Variants in THOP1 observed in about 807,000 individuals in gnomAD.
The protein encoded by THOP1 is thimet oligopeptidase 1.
In THOP1, 49 loss-of-function variants were observed where a neutral mutation model predicts 71.8. The observed-to-expected ratio is 0.68, with a 90% CI of 0.54 to 0.87. The LOEUF is 0.87. THOP1 is among the 40% of genes least tolerant of loss of function. The probability of loss-of-function intolerance (pLI) is 0.00; values close to 1 mark genes in which losing one functional copy is unlikely to be tolerated. For synonymous variants in THOP1, 426 were observed against 421.5 expected (o/e 1.01, Z -0.13); for missense variants, 843 against 975.6 (o/e 0.86, Z 1.81).
chr19:2,787,273 A>T (rs1915768609), intron 1 of THOP1, among the ~76,000 whole-genome samples: 1 of 151,952 alleles, frequency 6.6e-6, no homozygotes, highest in African/African-American at 2.4e-5. Context: ...GCCCAGCCAC[A>T]CTCCCCCAGC....
At position 2,790,589 on chromosome 19, in the gene THOP1, A is replaced by G. The variant is rs370840170; in HGVS notation, c.185A>G (p.Glu62Gly). ...GTQEFEDVSY[E>G]STLKALADVE... Reference sequence around the variant, plus strand: ...CAGGAGTTTGAGGACGTGTCCTACGAGAGCACGCTCAAGGCGCTGGCCGAT... The same window carrying G: ...CAGGAGTTTGAGGACGTGTCCTACGGGAGCACGCTCAAGGCGCTGGCCGAT... Residue 62 changes from glutamate (E) to glycine (G), a missense_variant, in exon 2 of 13, where the codon GAG (glutamate) becomes GGG (glycine). By Grantham distance (98) the Glu-to-Gly change is moderately conservative (BLOSUM62 -2). Coordinates refer to ENST00000307741, the MANE Select transcript of THOP1 (RefSeq NM_003249.5). 20 of 1,600,794 alleles carry G rather than the reference A, an allele frequency of 1.2e-5. No homozygotes were observed. The highest frequency in any genetic ancestry group is 1.4e-5 in the Non-Finnish European group (17 of 1,173,884).
chr19:2,789,431 CAGAG>C (rs1370456461), intron 1 of THOP1, among the ~76,000 whole-genome samples: 7 of 152,246 alleles, frequency 4.6e-5, no homozygotes, highest in Non-Finnish European at 8.8e-5. Flanking sequence ...ACCCGTTTCT[CAGAG>C]AGGCCCTGGT....
At position 2,801,757 on chromosome 19, in the gene THOP1, G is replaced by C. The variant is rs1173945718; in HGVS notation, c.589+1966G>C. Among the ~76,000 whole-genome samples the C allele has an allele frequency of 6.6e-6, 1 of 152,108 alleles. No homozygotes were observed. Among genetic ancestry groups the C allele is most frequent in the Non-Finnish European group, 1.5e-5 (1 of 67,988 alleles). ...GGACTCTGGAGCCCTGAGGCGGCCA[G>C]GGTGTCACATGGCAAGGGGAGGGGG... is the stretch of plus-strand genomic sequence containing the variant. On this transcript the variant is annotated intron_variant, in intron 5 of 12. Transcript: ENST00000307741. The surrounding 1 kb of genome is among the most constrained non-coding windows in gnomAD (Gnocchi z 5.1).
At chr19:2,791,806 C>T (rs1481363903) in intron 2 of THOP1, among the ~76,000 whole-genome samples, 1 of 152,206 alleles carries the variant, frequency 6.6e-6, no homozygotes, top group Non-Finnish European at 1.5e-5. Flanking sequence ...TTAAAGGAAA[C>T]TGAATTCGGC....
intron 2 of THOP1, among the ~76,000 whole-genome samples, chr19:2,793,791 G>A (rs1915942116): frequency 6.6e-6 from 1 of 152,158 alleles, no homozygotes; most frequent in Admixed American, 6.5e-5. Flanking sequence ...GCCTGTTCCA[G>A]AGCCTCATTC....
chr19:2,799,863 G>A, intron 5 of THOP1, 72 bp downstream of exon 5: 3 of 1,378,822 alleles, frequency 2.2e-6, no homozygotes, highest in Non-Finnish European at 3.1e-6. Context: ...AGGCCCTCGG[G>A]GGCCGCCGCT....
chr19:2,813,398 T>C lies in THOP1; in HGVS notation c.*122T>C. On this transcript the variant is annotated 3_prime_UTR_variant, in exon 13 of 13. Coordinates refer to ENST00000307741, the MANE Select transcript of THOP1 (RefSeq NM_003249.5). ...GGGACTGGCAGGGTGGCTGAGCGGC[T>C]GTCTTGCCTCTTGTCATTGTCTGTC... 4.0e-6 allele frequency: 5 copies of C among 1,238,618 alleles called. No individual in the cohort carries two copies. The highest frequency in any genetic ancestry group is 5.4e-6 in the Non-Finnish European group (5 of 920,856). 76.7% of individuals were successfully genotyped at this position (1,238,618 alleles called of 1,614,324 possible).
At chr19:2,806,458 T>G (rs1916294469) in intron 6 of THOP1, 1 of 199,906 alleles carries the variant, frequency 5.0e-6, no homozygotes, top group African/African-American at 2.4e-5. Context: ...CCTCTGTTTC[T>G]CCTCGTAAAC....
Position 2,810,336 on chromosome 19 carries a change from G to A in THOP1, c.1488G>A (p.Val496=). The change falls in exon 10 of 13, where the codon GTG becomes GTA. Residue 496 remains valine, a synonymous_variant. Coordinates refer to ENST00000307741, the MANE Select transcript of THOP1 (RefSeq NM_003249.5). ...TCGCCATGTTCAGCGGGACCCACGT[G>A]GAGCGGGACTTTGTGGAGGCGCCGT... The part of the protein sequence containing the change: ...AEFAMFSGTH[V]ERDFVEAPSQ... 1 of 1,611,846 alleles carries A rather than the reference G, an allele frequency of 6.2e-7. No homozygotes were observed. Among genetic ancestry groups the A allele is most frequent in the South Asian group, 1.1e-5 (1 of 90,998 alleles).
chr19:2,801,046 C>G lies in THOP1; in HGVS notation c.589+1255C>G, dbSNP rs1008767285. ...CTGGGCGTCCAGCTCAAATCTGCCT[C>G]CTGTGCCAGCTTTCAGGCAGTACTT... On this transcript the variant is annotated intron_variant, in intron 5 of 12. Coordinates refer to ENST00000307741, the MANE Select transcript of THOP1 (RefSeq NM_003249.5). The surrounding 1 kb of genome is among the most constrained non-coding windows in gnomAD (Gnocchi z 5.1). 6.6e-6 allele frequency among the ~76,000 whole-genome samples: 1 copy of G among 152,222 alleles called. No individual in the cohort carries two copies. The highest frequency in any genetic ancestry group is 1.9e-4 in the East Asian group (1 of 5,198).
intron 4 of THOP1, among the ~76,000 whole-genome samples, chr19:2,799,086 G>A (rs1916083820): frequency 6.6e-6 from 1 of 152,234 alleles, no homozygotes; most frequent in African/African-American, 2.4e-5. Context: ...AGCACTTTGG[G>A]AGGCTGAGGT....
In THOP1 at chr19:2,811,686, G is replaced by A; in HGVS notation, c.1860G>A (p.Met620Ile). The A allele has an allele frequency of 6.2e-7, 1 of 1,613,488 alleles. No homozygotes were observed. The part of the protein sequence containing the change: ...YGYLWSEVYS[M>I]DMFHTRFKQE... ...ACCTGTGGAGCGAGGTGTATTCCATGGACATGTTCCACACGCGCTTCAAGC... is the reference window on the plus strand; with the variant it reads ...ACCTGTGGAGCGAGGTGTATTCCATAGACATGTTCCACACGCGCTTCAAGC... The change falls in exon 12 of 13, where the codon ATG becomes ATA. Residue 620 changes from methionine (M) to isoleucine (I), a missense_variant. Physicochemically the swap from Met to Ile is conservative, Grantham distance 10. Transcript: ENST00000307741.
At chr19:2,791,908 G>T (rs1462724653) in intron 2 of THOP1, among the ~76,000 whole-genome samples, 1 of 152,212 alleles carries the variant, frequency 6.6e-6, no homozygotes, top group East Asian at 1.9e-4. Context: ...GTCTGTGCCT[G>T]GACACCCAGT....
At chr19:2,811,519 GT>G in intron 11 of THOP1, 78 bp from the exon 12 acceptor site, 1 of 1,541,884 alleles carries the variant, frequency 6.5e-7, no homozygotes, top group East Asian at 2.3e-5. Context: ...GGTCTCAGGA[GT>G]CTGGCTGGTT....
chr19:2,806,217 G>A (rs1916288486), intron 6 of THOP1: 1 of 152,386 alleles, frequency 6.6e-6, no homozygotes, highest in African/African-American at 2.4e-5. Context: ...AGGTCAACTG[G>A]GCAATCCCGT....
intron 1 of THOP1, among the ~76,000 whole-genome samples, chr19:2,790,171 C>G (rs1915842105): frequency 1.3e-5 from 2 of 152,182 alleles, no homozygotes; most frequent in South Asian, 4.1e-4. Flanking sequence ...CCACTCCACG[C>G]CAGGAGCATC....
chr19:2,796,236 CG>C, intron 4 of THOP1, 48 bp downstream of exon 4: 1 of 1,456,766 alleles, frequency 6.9e-7, no homozygotes, highest in Non-Finnish European at 9.5e-7. Flanking sequence ...TGGTCGATCC[CG>C]GGGAGTGCTG....
intron 5 of THOP1, among the ~76,000 whole-genome samples, chr19:2,803,660 G>T (rs750793692): frequency 6.6e-6 from 1 of 152,204 alleles, no homozygotes; most frequent in Non-Finnish European, 1.5e-5. Context: ...TCCTTGGAAA[G>T]GACGATGTGC....
At position 2,811,684 on chromosome 19, in the gene THOP1, A is replaced by G. The variant is rs998271780; in HGVS notation, c.1858A>G (p.Met620Val). 2.5e-6 allele frequency: 4 copies of G among 1,613,516 alleles called. No individual in the cohort carries two copies. The highest frequency in any genetic ancestry group is 3.4e-6 in the Non-Finnish European group (4 of 1,179,968). ...YGYLWSEVYS[M>V]DMFHTRFKQE... ...GTACCTGTGGAGCGAGGTGTATTCC[A>G]TGGACATGTTCCACACGCGCTTCAA... Residue 620 changes from methionine to valine, a missense_variant, in exon 12 of 13, where the codon ATG becomes GTG. By Grantham distance (21) the Met-to-Val change is conservative (BLOSUM62 1). Coordinates refer to ENST00000307741, the MANE Select transcript of THOP1 (RefSeq NM_003249.5).
Sources: allele counts gnomAD v4.1 joint callset (sites outside exome capture counted in the v4.1 genomes callset), GRCh38; gene constraint gnomAD v4.1.1; non-coding constraint Gnocchi (gnomAD v3.1); transcripts MANE v1.5; gene names NCBI Gene and HGNC (gene_info 2026-07-23, HGNC 2026-07-21).